The following EVC variants were observed in gnomAD, a reference collection of about 807,000 sequenced individuals.
EVC encodes EvC ciliary complex subunit 1.
Under a neutral mutation model 118.9 loss-of-function variants are expected in EVC, and 116 were observed. The observed-to-expected ratio is 0.98, with a 90% confidence interval of 0.84 to 1.14. The LOEUF (loss-of-function observed/expected upper bound fraction) is 1.14, where lower values mean the gene tolerates loss of function less well. Ranked by LOEUF, EVC falls within the 50% of genes most tolerant of loss-of-function variation. The probability of loss-of-function intolerance (pLI) is 0.00; values close to 1 mark genes in which losing one functional copy is unlikely to be tolerated. For missense variants in EVC, 1,401 were observed against 1,246.4 expected, an observed-to-expected ratio of 1.12 and a Z score of -1.87; for synonymous variants, 619 against 534.7, an observed-to-expected ratio of 1.16 and a Z score of -2.18.
At position 5,731,445 on chromosome 4, in the gene EVC, CA is replaced by C; in HGVS notation, c.407del (p.Asn136ThrfsTer8). On this transcript the variant is annotated frameshift_variant, in exon 4 of 21. Coordinates refer to ENST00000264956, the MANE Select transcript of EVC (RefSeq NM_153717.3). LOFTEE classifies it high-confidence loss of function. The surrounding 1 kb of genome is among the most constrained non-coding windows in gnomAD (Gnocchi z 5.6). The part of the protein sequence containing the change: ...KFRPLADGSS[N>X]PSLHENLKQA... The stretch of plus-strand genomic sequence containing the variant: ...CCCAGCCTCTGGCCGATGGCTCCTC[CA>C]ACCCGTCTCTGCATGAAAACTTAAA... The C allele has an allele frequency of 2.5e-6, 4 of 1,613,634 alleles. No individual in the cohort carries two copies. The highest frequency in any genetic ancestry group is 3.4e-6 in the Non-Finnish European group (4 of 1,179,960).
chr4:5,741,483 A>G (rs1031507107), intron 5 of EVC, among the ~76,000 whole-genome samples: 1 of 152,242 alleles, frequency 6.6e-6, no homozygotes, highest in African/African-American at 2.4e-5. Context: ...TGAGGAAGAA[A>G]GGAAGCTTTT....
At chr4:5,751,794 A>T (rs913755592) in intron 8 of EVC, among the ~76,000 whole-genome samples, 2 of 151,966 alleles carry the variant, frequency 1.3e-5, no homozygotes, top group African/African-American at 2.4e-5. Context: ...CCATGAGGAC[A>T]TAGAAGGACC....
rs755662595 is a variant in EVC at position 5,745,186 on chromosome 4, T to C, written c.802-18T>C. ...TTTTCTTTGTTTATTTGCTTTCTTT[T>C]TTCTTCTTCTTCTTCAGGATTTGGA... On this transcript the variant is annotated intron_variant, in intron 6 of 20. Transcript: ENST00000264956. 8 of 1,570,430 alleles carry C rather than the reference T, an allele frequency of 5.1e-6. No individual in the cohort carries two copies. Among genetic ancestry groups the C allele is most frequent in the African/African-American group, 3.5e-5 (2 of 57,386 alleles).
intron 16 of EVC, among the ~76,000 whole-genome samples, chr4:5,804,513 G>T (rs1010105982): frequency 6.6e-6 from 1 of 152,180 alleles, no homozygotes; most frequent in Non-Finnish European, 1.5e-5. Flanking sequence ...GGTGGAGCAG[G>T]TGGACAGGGC....
intron 12 of EVC, among the ~76,000 whole-genome samples, chr4:5,791,695 TCTC>T (rs1712817760): frequency 6.6e-6 from 1 of 151,850 alleles, no homozygotes; most frequent in South Asian, 2.1e-4. Flanking sequence ...GCCTGGGTGT[TCTC>T]CTATTGAACA....
chr4:5,753,117 G>A (rs1730646286), intron 9 of EVC, 65 bp downstream of exon 9: 2 of 1,443,722 alleles, frequency 1.4e-6, no homozygotes, highest in Admixed American at 2.0e-5. Context: ...GGGCTGTGCA[G>A]TGAGAGGGCT....
intron 12 of EVC, among the ~76,000 whole-genome samples, chr4:5,791,549 C>G (rs1712784652): frequency 1.3e-5 from 2 of 152,136 alleles, no homozygotes; most frequent in African/African-American, 4.8e-5. Flanking sequence ...ATTTCTCCTT[C>G]TAGTCTGGAG....
At chr4:5,769,354 T>C (rs1201109934) in intron 11 of EVC, among the ~76,000 whole-genome samples, 1 of 152,130 alleles carries the variant, frequency 6.6e-6, no homozygotes, top group Non-Finnish European at 1.5e-5. Context: ...ACTGGGCCAG[T>C]CCCATGACAT....
intron 16 of EVC, 110 bp from the exon 17 acceptor site, chr4:5,804,620 C>G (rs1715563889): frequency 3.5e-6 from 3 of 853,244 alleles, no homozygotes; most frequent in Non-Finnish European, 4.0e-6. Flanking sequence ...AGGATACACT[C>G]TTGGAGAGCT....
downstream of EVC, among the ~76,000 whole-genome samples, chr4:5,819,228 C>T (rs1421891579): frequency 2.6e-5 from 4 of 152,168 alleles, no homozygotes; most frequent in Non-Finnish European, 4.4e-5. Context: ...CAGAATAACG[C>T]TCCCCGTCCC....
intron 11 of EVC, among the ~76,000 whole-genome samples, chr4:5,782,812 T>G (rs956584485): frequency 6.6e-6 from 1 of 152,100 alleles, no homozygotes; most frequent in Non-Finnish European, 1.5e-5. Context: ...ACGTGAAGTT[T>G]ATGAAAATAA....
chr4:5,741,982 AGT>A (rs564949515), intron 6 of EVC, among the ~76,000 whole-genome samples, 168 bp downstream of exon 6: 175 of 152,374 alleles, frequency 1.1e-3, no homozygotes, highest in African/African-American at 2.6e-3. Flanking sequence ...ATATTTAAAA[AGT>A]GTATTATTAA....
intron 8 of EVC, among the ~76,000 whole-genome samples, chr4:5,752,460 G>A (rs1730527942): frequency 6.6e-6 from 1 of 152,116 alleles, no homozygotes; most frequent in African/African-American, 2.4e-5. Flanking sequence ...TTCCTCCACA[G>A]CCCTGTGGGG....
chr4:5,795,907 C>T (rs1321693153), intron 13 of EVC, among the ~76,000 whole-genome samples: 1 of 152,156 alleles, frequency 6.6e-6, no homozygotes, highest in Non-Finnish European at 1.5e-5. Flanking sequence ...CCTGCCTATT[C>T]TCTCCCTCCT....
At position 5,758,259 on chromosome 4, in the gene EVC, C is replaced by T. The variant is rs56328334; in HGVS notation, c.1563+1897C>T. ...CGAGGCTCTGCCAACACCTTGGTTT[C>T]ATACTAATGCCCTCCGGAACGGTGA... On this transcript the variant is annotated intron_variant, in intron 11 of 20. Coordinates refer to ENST00000264956, the MANE Select transcript of EVC (RefSeq NM_153717.3). 122,033 of 616,156 alleles carry T rather than the reference C, an allele frequency of 0.2. 13,063 individuals carry two copies. The highest frequency in any genetic ancestry group is 0.24 in the Admixed American group (8,503 of 34,796). 38.2% of individuals were successfully genotyped at this position (616,156 alleles called of 1,614,324 possible). A position where few individuals can be genotyped will look rare whatever the true frequency, so the allele number is the denominator to read the frequency against.
intron 11 of EVC, among the ~76,000 whole-genome samples, chr4:5,760,101 A>G (rs892605110): frequency 6.6e-6 from 1 of 152,126 alleles, no homozygotes; most frequent in Non-Finnish European, 1.5e-5. Flanking sequence ...ATTTATCTCA[A>G]TGAGCAGAGA....
chr4:5,794,246 T>G (rs1713349042), intron 13 of EVC, among the ~76,000 whole-genome samples: 1 of 72,392 alleles, frequency 1.4e-5, no homozygotes, highest in African/African-American at 4.2e-5. Flanking sequence ...TATTTATATA[T>G]ATATTTATAT....
At chr4:5,753,727 C>T in intron 9 of EVC, 58 bp from the exon 10 acceptor site, 1 of 1,609,054 alleles carries the variant, frequency 6.2e-7, no homozygotes, top group Non-Finnish European at 8.5e-7. Context: ...ATGAGGGTCC[C>T]CACTGAAATT....
intron 2 of EVC, among the ~76,000 whole-genome samples, chr4:5,725,022 C>T (rs1450494439): frequency 6.6e-6 from 1 of 152,172 alleles, no homozygotes; most frequent in Non-Finnish European, 1.5e-5. Context: ...TAATGGCTTC[C>T]AGCTCCATCT....
Sources: allele counts gnomAD v4.1 joint callset (sites outside exome capture counted in the v4.1 genomes callset), GRCh38; gene constraint gnomAD v4.1.1; non-coding constraint Gnocchi (gnomAD v3.1); transcripts MANE v1.5; gene names NCBI Gene and HGNC (gene_info 2026-07-23, HGNC 2026-07-21).